The following PDE4D variants were observed in gnomAD, a reference collection of about 807,000 sequenced individuals.
PDE4D encodes the protein 3',5'-cyclic-AMP phosphodiesterase 4D.
Under a neutral mutation model 87.4 loss-of-function variants are expected in PDE4D, and 24 were observed. That is an observed-to-expected ratio of 0.27 (90% CI 0.20 to 0.39). PDE4D has a LOEUF of 0.39. PDE4D is among the 10% of genes least tolerant of loss of function. The pLI, the probability that PDE4D is intolerant of heterozygous loss-of-function variation, is 1.00. For missense variants in PDE4D, 714 were observed against 1,041.0 expected, an observed-to-expected ratio of 0.69 and a Z score of 4.32; for synonymous variants, 384 against 383.2, an observed-to-expected ratio of 1.00 and a Z score of -0.02.
At chr5:59,771,451 AAG>A (rs1763450645) in intron 1 of PDE4D, among the ~76,000 whole-genome samples, 2 of 78,124 alleles carry the variant, frequency 2.6e-5, no homozygotes, top group South Asian at 4.2e-4. Context: ...GAAAGAAAGA[AAG>A]AAAGAAAGAA....
chr5:60,244,924 CA>C (rs1747579149), intron 1 of PDE4D, among the ~76,000 whole-genome samples: 1 of 151,798 alleles, frequency 6.6e-6, no homozygotes. Context: ...CACAGGCAAC[CA>C]AAACAGAAGT....
intron 1 of PDE4D, among the ~76,000 whole-genome samples, chr5:59,704,487 A>G (rs1447183230): frequency 6.6e-6 from 1 of 152,174 alleles, no homozygotes; most frequent in Non-Finnish European, 1.5e-5. Context: ...CCAAATTTTG[A>G]GGATTCTTTT....
chr5:59,147,407 A>G (rs1778830807), intron 5 of PDE4D, among the ~76,000 whole-genome samples: 1 of 152,208 alleles, frequency 6.6e-6, no homozygotes, highest in African/African-American at 2.4e-5. Flanking sequence ...TTTTTAAAAA[A>G]AACCTCAAAC....
intron 1 of PDE4D, among the ~76,000 whole-genome samples, chr5:59,548,483 A>G (rs1817623870): frequency 6.6e-6 from 1 of 152,106 alleles, no homozygotes; most frequent in South Asian, 2.1e-4. Flanking sequence ...AAGATTCATA[A>G]CTCAACAGAA....
intron 1 of PDE4D, among the ~76,000 whole-genome samples, chr5:60,250,333 A>G (rs1343270419): frequency 6.6e-6 from 1 of 151,898 alleles, no homozygotes; most frequent in African/African-American, 2.4e-5. Flanking sequence ...AAGATGATAT[A>G]CATCTCTAGA....
chr5:59,292,089 C>A (rs1768153284), intron 1 of PDE4D, among the ~76,000 whole-genome samples: 1 of 151,992 alleles, frequency 6.6e-6, no homozygotes, highest in African/African-American at 2.4e-5. Context: ...GTTTTCAGGG[C>A]AGATTGTTAT....
At chr5:60,362,763 G>T (rs1760175035) in intron 1 of PDE4D, among the ~76,000 whole-genome samples, 1 of 151,854 alleles carries the variant, frequency 6.6e-6, no homozygotes, top group Admixed American at 6.6e-5. Context: ...GGAGGCTGAG[G>T]CAGAAGAATC....
intron 1 of PDE4D, among the ~76,000 whole-genome samples, chr5:59,514,064 A>G (rs1257637988): frequency 6.6e-6 from 1 of 152,060 alleles, no homozygotes; most frequent in Non-Finnish European, 1.5e-5. Flanking sequence ...AGCTTTTGAC[A>G]TAGGCCATTA....
At position 59,105,227 on chromosome 5, in the gene PDE4D, G is replaced by T. The variant is rs549189269; in HGVS notation, c.809-66256C>A. Reference sequence around the variant, plus strand: ...ACTGCTGGGTCTATTATGAGAAACCGGGGCAGCAAAATTCTGCCTTAGGAA... The same window carrying T: ...ACTGCTGGGTCTATTATGAGAAACCTGGGCAGCAAAATTCTGCCTTAGGAA... On this transcript the variant is annotated intron_variant, in intron 5 of 14. Transcript: ENST00000340635. Among the ~76,000 whole-genome samples, 153 of 152,274 alleles carry T rather than the reference G, an allele frequency of 1.0e-3. 2 individuals are homozygous for T. The highest frequency in any genetic ancestry group is 3.7e-3 in the African/African-American group (152 of 41,558).
chr5:59,844,752 C>T (rs572673603), intron 1 of PDE4D, among the ~76,000 whole-genome samples: 1 of 152,128 alleles, frequency 6.6e-6, no homozygotes, highest in African/African-American at 2.4e-5. Context: ...AACAGTCACT[C>T]CCATGATTAG....
chr5:59,380,915 C>G (rs1785684182), intron 1 of PDE4D, among the ~76,000 whole-genome samples: 1 of 152,052 alleles, frequency 6.6e-6, no homozygotes, highest in Non-Finnish European at 1.5e-5. Context: ...ACATATTATG[C>G]TCATTCATTA....
intron 1 of PDE4D, among the ~76,000 whole-genome samples, chr5:60,263,013 A>G (rs922196655): frequency 6.6e-6 from 1 of 152,112 alleles, no homozygotes; most frequent in African/African-American, 2.4e-5. Context: ...ATAAACAAAA[A>G]CTCAGTCTTC....
intron 5 of PDE4D, among the ~76,000 whole-genome samples, chr5:59,073,076 G>A (rs950446): frequency 0.26 from 40,278 of 152,118 alleles, 5,814 homozygotes; most frequent in Middle Eastern, 0.36. Flanking sequence ...TAACAGAAAG[G>A]TATCTGCTTT....
intron 1 of PDE4D, among the ~76,000 whole-genome samples, chr5:60,287,230 C>T (rs1321217853): frequency 6.6e-6 from 1 of 152,146 alleles, no homozygotes; most frequent in African/African-American, 2.4e-5. Flanking sequence ...AAGAGAAATG[C>T]CTGAATAACT....
intron 1 of PDE4D, among the ~76,000 whole-genome samples, chr5:59,890,846 T>G (rs1405637871): frequency 2.0e-5 from 3 of 152,268 alleles, no homozygotes; most frequent in African/African-American, 7.2e-5. Context: ...AGTTAATAAA[T>G]GTAAAATTTC....
Position 60,073,349 on chromosome 5 carries a change from A to G in PDE4D, c.43-84632T>C, listed in dbSNP as rs148353220. 3.1e-4 allele frequency among the ~76,000 whole-genome samples: 47 copies of G among 152,220 alleles called. 1 individual carries two copies. The highest frequency in any genetic ancestry group is 1.1e-3 in the African/African-American group (45 of 41,560). ...GTATGTTGAACCAACCTTGCCTCCC[A>G]TGGGTAAAGCCAATTTATTGTGGTG... On this transcript the variant is annotated intron_variant, in intron 2 of 16. Transcript: ENST00000502484.
chr5:60,396,023 C>T (rs567689499), intron 1 of PDE4D, among the ~76,000 whole-genome samples: 1 of 152,304 alleles, frequency 6.6e-6, no homozygotes, highest in South Asian at 2.1e-4. Context: ...CTACTAGTGC[C>T]CAGCTGGAAC....
At chr5:59,929,438 A>T (rs949019418) in intron 3 of PDE4D, among the ~76,000 whole-genome samples, 13 of 152,100 alleles carry the variant, frequency 8.5e-5, no homozygotes, top group African/African-American at 3.1e-4. Flanking sequence ...TTTTGATTCA[A>T]CTTTAAAAAG....
At chr5:59,155,533 GC>G (rs747379676) in intron 5 of PDE4D, among the ~76,000 whole-genome samples, 2 of 152,180 alleles carry the variant, frequency 1.3e-5, no homozygotes, top group Non-Finnish European at 2.9e-5. Flanking sequence ...AGGAGGTAGA[GC>G]AACTTGACTG....
Sources: allele counts gnomAD v4.1 joint callset (sites outside exome capture counted in the v4.1 genomes callset), GRCh38; gene constraint gnomAD v4.1.1; transcripts MANE v1.5; gene names NCBI Gene and HGNC (gene_info 2026-07-23, HGNC 2026-07-21).